RNF216: variants seen among roughly 807,000 people sequenced by gnomAD.
The protein encoded by RNF216 is E3 ubiquitin-protein ligase RNF216.
A neutral mutation model predicts 110.8 loss-of-function variants in RNF216; 72 were observed. The ratio of observed to expected loss-of-function variants is 0.65; its 90% CI spans 0.54 to 0.79. The LOEUF (loss-of-function observed/expected upper bound fraction) is 0.79, where lower values mean the gene tolerates loss of function less well. Ranked by LOEUF, RNF216 falls within the 30% of genes least tolerant of loss-of-function variation. The pLI, the probability that RNF216 is intolerant of heterozygous loss-of-function variation, is 0.00. For missense variants in RNF216, 1,342 were observed against 1,141.2 expected (o/e 1.18, Z -2.54); for synonymous variants, 495 against 407.5 (o/e 1.21, Z -2.59).
At chr7:5,768,725 G>A (rs1382793076) in intron 1 of RNF216, among the ~76,000 whole-genome samples, 7 of 148,340 alleles carry the variant, frequency 4.7e-5, no homozygotes, top group African/African-American at 1.0e-4. Context: ...GCAGTGGCTC[G>A]ATCTTGGCTC....
At chr7:5,633,622 G>A (rs1344414091) in intron 15 of RNF216, among the ~76,000 whole-genome samples, 1 of 152,130 alleles carries the variant, frequency 6.6e-6, no homozygotes, top group Non-Finnish European at 1.5e-5. Context: ...TAAGCGGATT[G>A]CATTTTAACA....
At chr7:5,705,209 T>C (rs976285204) in intron 13 of RNF216, among the ~76,000 whole-genome samples, 2 of 152,166 alleles carry the variant, frequency 1.3e-5, no homozygotes, top group African/African-American at 2.4e-5. Context: ...GCACCTACTA[T>C]GTGCCAGGCA....
intron 13 of RNF216, among the ~76,000 whole-genome samples, chr7:5,657,263 C>A (rs1484512534): frequency 2.0e-5 from 3 of 152,200 alleles, no homozygotes; most frequent in Non-Finnish European, 4.4e-5. Context: ...TCTGTTCTGT[C>A]ACCTCAAAAA....
chr7:5,692,767 A>G (rs1025394442), intron 13 of RNF216, among the ~76,000 whole-genome samples: 1 of 152,204 alleles, frequency 6.6e-6, no homozygotes, highest in Admixed American at 6.5e-5. Context: ...TCACATTTCT[A>G]TTTTTCAAGT....
intron 2 of RNF216, 79 bp downstream of exon 2, chr7:5,760,924 G>A (rs576171916): frequency 2.7e-6 from 3 of 1,119,824 alleles, no homozygotes; most frequent in East Asian, 5.0e-5. Flanking sequence ...TACAAAATAG[G>A]TTCATTTCAA....
chr7:5,724,435 A>T (rs1163824927), intron 8 of RNF216, among the ~76,000 whole-genome samples: 1 of 152,236 alleles, frequency 6.6e-6, no homozygotes, highest in Non-Finnish European at 1.5e-5. Context: ...CAAATACTGT[A>T]TGGCTATGTA....
intron 13 of RNF216, among the ~76,000 whole-genome samples, chr7:5,703,687 A>T (rs1792111531): frequency 6.6e-6 from 1 of 152,250 alleles, no homozygotes; most frequent in Non-Finnish European, 1.5e-5. Flanking sequence ...GTGGTTACAC[A>T]ACCACACACA....
intron 2 of RNF216, among the ~76,000 whole-genome samples, chr7:5,754,304 C>G (rs1178971332): frequency 1.3e-5 from 2 of 151,904 alleles, no homozygotes; most frequent in South Asian, 4.2e-4. Flanking sequence ...AACAGGTGCA[C>G]ACTACTTTGA....
intron 13 of RNF216, among the ~76,000 whole-genome samples, chr7:5,683,809 TAA>T (rs1562387859): frequency 6.6e-6 from 1 of 152,130 alleles, no homozygotes; most frequent in Non-Finnish European, 1.5e-5. Flanking sequence ...TAAAACCTGT[TAA>T]AAGTGCAAGA....
chr7:5,658,213 G>A (rs1489326056), intron 13 of RNF216, among the ~76,000 whole-genome samples: 4 of 152,116 alleles, frequency 2.6e-5, no homozygotes, highest in South Asian at 2.1e-4. Flanking sequence ...TGGGATCTAC[G>A]TCTTAGTGAA....
At chr7:5,752,627 G>A (rs545211619) in intron 3 of RNF216, among the ~76,000 whole-genome samples, 9 of 152,256 alleles carry the variant, frequency 5.9e-5, no homozygotes, top group East Asian at 5.8e-4. Flanking sequence ...AATTTGGTGC[G>A]TTAATAGTCA....
In RNF216 at chr7:5,622,953, G is replaced by A. The variant is rs201821155; in HGVS notation, c.2679C>T (p.Asn893=). Residue 893 remains asparagine (N), a synonymous_variant, in exon 17 of 17, where the codon AAC becomes AAT. Coordinates refer to ENST00000389902, the MANE Select transcript of RNF216 (RefSeq NM_207111.4). ...GACCGAAGTCATAGTTGACCCGCAC[G>A]TTGGGCAGAGGGGGCACGTACGGGG... ...IPAPYVPPLP[N]VRVNYDFGPI... is the part of the protein sequence containing the mutation. 197 of 1,613,954 alleles carry A rather than the reference G, an allele frequency of 1.2e-4. No homozygotes were observed. Among genetic ancestry groups the A allele is most frequent in the Non-Finnish European group, 1.6e-4 (188 of 1,180,006 alleles).
intron 15 of RNF216, among the ~76,000 whole-genome samples, chr7:5,637,866 G>A (rs6977637): frequency 0.015 from 2,248 of 152,306 alleles, 46 homozygotes; most frequent in African/African-American, 0.051. Flanking sequence ...TTTTCTTTAA[G>A]ATCAAGTCTT....
chr7:5,698,665 A>C (rs13229591), intron 13 of RNF216, among the ~76,000 whole-genome samples: 1,612 of 152,290 alleles, frequency 0.011, 13 homozygotes, highest in Non-Finnish European at 0.018. Flanking sequence ...AAGTGCTGGA[A>C]TTATAGGCAT....
intron 13 of RNF216, among the ~76,000 whole-genome samples, chr7:5,676,074 C>T (rs548472273): frequency 2.6e-5 from 4 of 151,878 alleles, no homozygotes; most frequent in East Asian, 1.9e-4. Context: ...GAGTGCAACG[C>T]GATCTCGGCT....
chr7:5,775,525 C>CT (rs1230363988), intron 1 of RNF216, among the ~76,000 whole-genome samples: 1 of 152,066 alleles, frequency 6.6e-6, no homozygotes, highest in Non-Finnish European at 1.5e-5. Context: ...TTGGGGGTCA[C>CT]TAAAGACTTT....
rs1791640519 is a variant in RNF216 at position 5,696,537 on chromosome 7, G to A, written c.2061+15224C>T. On this transcript the variant is annotated intron_variant, in intron 13 of 16. Coordinates refer to ENST00000389902, the MANE Select transcript of RNF216 (RefSeq NM_207111.4). This position sits in a 1 kb window ranked among gnomAD's most constrained non-coding sequence, Gnocchi z 5.4. ...CCCACACACACCACAGGAAGGAGGA[G>A]CAGGCCGGGGCAGCCTCCTAGACAC... Among the ~76,000 whole-genome samples, 1 of 152,158 alleles carries A rather than the reference G, an allele frequency of 6.6e-6. No individual in the cohort carries two copies. Among genetic ancestry groups the A allele is most frequent in the Non-Finnish European group, 1.5e-5 (1 of 68,012 alleles).
chr7:5,658,907 G>A (rs1400948382), intron 13 of RNF216, among the ~76,000 whole-genome samples: 2 of 152,142 alleles, frequency 1.3e-5, no homozygotes, highest in African/African-American at 4.8e-5. Flanking sequence ...CGCCATGGAG[G>A]AGGCCTGGAG....
chr7:5,715,495 T>C (rs1371794386), intron 10 of RNF216, among the ~76,000 whole-genome samples: 1 of 152,172 alleles, frequency 6.6e-6, no homozygotes, highest in Non-Finnish European at 1.5e-5. Flanking sequence ...CTAGAACATC[T>C]GTACTCAGAT....
Sources: allele counts gnomAD v4.1 joint callset (sites outside exome capture counted in the v4.1 genomes callset), GRCh38; gene constraint gnomAD v4.1.1; non-coding constraint Gnocchi (gnomAD v3.1); transcripts MANE v1.5; gene names NCBI Gene and HGNC (gene_info 2026-07-23, HGNC 2026-07-21).